Variants in PAM16 observed in about 807,000 individuals in gnomAD.
PAM16 encodes mitochondrial import inner membrane translocase subunit TIM16.
PAM16 carries 11 observed loss-of-function variants against 17.9 expected under a neutral mutation model. The ratio of observed to expected loss-of-function variants is 0.62; its 90% CI spans 0.39 to 1.02. The LOEUF (loss-of-function observed/expected upper bound fraction) is 1.02, where lower values mean the gene tolerates loss of function less well. Among genes scored for constraint, PAM16 ranks in the 50% least tolerant of loss-of-function variants. PAM16 has a pLI of 0.01. For missense variants in PAM16, 199 were observed against 165.4 expected (o/e 1.20, Z -1.11); for synonymous variants, 72 against 67.4 (o/e 1.07, Z -0.34).
rs762803076 is a variant in PAM16, at chr16:4,340,354, C to T, written c.343G>A (p.Glu115Lys). 4 of 1,613,048 alleles carry T rather than the reference C, an allele frequency of 2.5e-6. No homozygotes were observed. The highest frequency in any genetic ancestry group is 1.7e-4 in the Middle Eastern group (1 of 6,058). The change falls in exon 5 of 5, where the codon GAG becomes AAG. Residue 115 changes from glutamate to lysine, a missense_variant. Transcript: ENST00000318059. Reference sequence around the variant, plus strand: ...GGCATCTGCCCTTTTTCTCTGTCCTCCTGGGCCTGGATTTTGAGTTCCTCA... The same window carrying T: ...GGCATCTGCCCTTTTTCTCTGTCCTTCTGGGCCTGGATTTTGAGTTCCTCA... ...LDEELKIQAQ[E>K]DREKGQMPHT
rs759956812 is a variant in PAM16 at position 4,341,420 on chromosome 16, T to C, written c.173A>G (p.Glu58Gly). ...GGACACGTTGAGAATCTGCTGTGCC[T>C]CCTGGAGGCTGAGGCCGGAGAGGTT... ...ASNLSGLSLQ[E>G]AQQILNVSKL... The change falls in exon 3 of 5, where the codon GAG (glutamate) becomes GGG (glycine). Residue 58 changes from glutamate to glycine, a missense_variant. Glu to Gly is a moderately conservative substitution (Grantham distance 98). Coordinates refer to ENST00000318059, the MANE Select transcript of PAM16 (RefSeq NM_016069.11). 1 of 1,604,248 alleles carries C rather than the reference T, an allele frequency of 6.2e-7. No individual in the cohort carries two copies. The highest frequency in any genetic ancestry group is 8.5e-7 in the Non-Finnish European group (1 of 1,176,108).
At chr16:4,349,118 G>T (rs1399962431) in intron 1 of PAM16, among the ~76,000 whole-genome samples, 6 of 152,068 alleles carry the variant, frequency 3.9e-5, no homozygotes, top group Non-Finnish European at 8.8e-5. Flanking sequence ...ACCACACCCG[G>T]CTAATTTTTT....
intron 1 of PAM16, among the ~76,000 whole-genome samples, chr16:4,349,758 T>A (rs34047432): frequency 0.19 from 28,265 of 151,878 alleles, 3,648 homozygotes; most frequent in African/African-American, 0.36. Flanking sequence ...CAGACAGACA[T>A]CCTATCTCAA....
rs563823671 is a variant in PAM16 at position 4,347,633 on chromosome 16, G to C, written c.3+3599C>G. 1.2e-4 allele frequency: 18 copies of C among 152,474 alleles called. 1 individual carries two copies. The highest frequency in any genetic ancestry group is 3.1e-4 in the African/African-American group (13 of 41,568). 9.4% of individuals were successfully genotyped at this position (152,474 alleles called of 1,614,324 possible). On this transcript the variant is annotated intron_variant, in intron 1 of 4. Transcript: ENST00000318059. ...TCCCCTGAGCTTCTGCCATGGGTCA[G>C]GCTGAGTTCAGAGCTCATTCACAGG...
At chr16:4,350,508 G>A (rs2053834245) in intron 1 of PAM16, among the ~76,000 whole-genome samples, 1 of 151,766 alleles carries the variant, frequency 6.6e-6, no homozygotes, top group Non-Finnish European at 1.5e-5. Flanking sequence ...TCAAGCGTCT[G>A]TCCTGCCTCA....
intron 1 of PAM16, 152 bp from the exon 2 acceptor site, chr16:4,343,443 C>G (rs2053682870): frequency 6.3e-6 from 9 of 1,438,240 alleles, no homozygotes; most frequent in Non-Finnish European, 7.3e-6. Context: ...CCAAAGCACC[C>G]TGAATGAAAG....
intron 1 of PAM16, chr16:4,343,555 A>T: frequency 7.1e-7 from 1 of 1,415,070 alleles, no homozygotes; most frequent in Non-Finnish European, 9.2e-7. Context: ...TCCTTCAGGA[A>T]AGGCGTAGAG....
At chr16:4,350,682 G>A (rs1596257346) in intron 1 of PAM16, among the ~76,000 whole-genome samples, 3 of 152,182 alleles carry the variant, frequency 2.0e-5, no homozygotes, top group African/African-American at 7.2e-5. Context: ...TTACAGGCGT[G>A]AGCCACCGCG....
chr16:4,343,600 G>A (rs2053686397), intron 1 of PAM16: 4 of 1,378,248 alleles, frequency 2.9e-6, no homozygotes, highest in Admixed American at 6.8e-5. Flanking sequence ...ACCGGCTTCA[G>A]GAAGAAACAC....
chr16:4,343,494 G>A (rs2053684416), intron 1 of PAM16: 1 of 1,427,174 alleles, frequency 7.0e-7, no homozygotes, highest in Non-Finnish European at 9.1e-7. Context: ...GGACAGGCAG[G>A]CAGGCGGGTG....
At position 4,343,308 on chromosome 16, in the gene PAM16, C is replaced by G. The variant is rs760497967; in HGVS notation, c.4-17G>C. On this transcript the variant is annotated splice_polypyrimidine_tract_variant and intron_variant, in intron 1 of 4. Coordinates refer to ENST00000318059, the MANE Select transcript of PAM16 (RefSeq NM_016069.11). ...GTACTTGGCCTGTGGGCAAAGCAGGCACCCGGTTAGCAGGCCACTCCCTGT... is the reference window on the plus strand; with the variant it reads ...GTACTTGGCCTGTGGGCAAAGCAGGGACCCGGTTAGCAGGCCACTCCCTGT... 7 of 1,595,276 alleles carry G rather than the reference C, an allele frequency of 4.4e-6. No individual in the cohort carries two copies. The Admixed American group carries it at 7.0e-5, about 16-fold the overall frequency.
chr16:4,340,890 T>C (rs1325818626), intron 4 of PAM16, 30 bp downstream of exon 4: 1 of 1,612,586 alleles, frequency 6.2e-7, no homozygotes, highest in Non-Finnish European at 8.5e-7. Flanking sequence ...TCCCATGACT[T>C]CATTCCTCCC....
chr16:4,345,804 T>A, intron 1 of PAM16: 1 of 983,458 alleles, frequency 1.0e-6, no homozygotes, highest in Non-Finnish European at 1.2e-6. Context: ...GCCTCCTTCC[T>A]AAAGCCCCTC....
Position 4,341,498 on chromosome 16 carries a change from CGGCT to C in PAM16, c.91_94del (p.Ser31GlyfsTer37). 5 of 1,607,992 alleles carry C rather than the reference CGGCT, an allele frequency of 3.1e-6. No individual in the cohort carries two copies. The highest frequency in any genetic ancestry group is 3.4e-6 in the Non-Finnish European group (4 of 1,178,732). On this transcript the variant is annotated frameshift_variant and splice_region_variant, in exon 3 of 5. Coordinates refer to ENST00000318059, the MANE Select transcript of PAM16 (RefSeq NM_016069.11). LOFTEE classifies it high-confidence loss of function. ...GCGTCCTCGGGCATCAGCTGCGGCC[CGGCT>C]GGCTGTGTGGACATGTGGGTGATCG...
chr16:4,351,091 C>A (rs534468251), intron 1 of PAM16, 141 bp downstream of exon 1: 11 of 399,802 alleles, frequency 2.8e-5, no homozygotes, highest in South Asian at 2.3e-4. Context: ...CCCCCGGGTG[C>A]AACGCCCCCA....
chr16:4,342,565 A>C lies in PAM16; in HGVS notation c.88+642T>G, dbSNP rs1489065663. ...GCTACTCAGGAGGCTGAGGCAGAAG[A>C]ATTGCTTGAACCCGGGAGGCAGAGG... On this transcript the variant is annotated intron_variant, in intron 2 of 4. Coordinates refer to ENST00000318059, the MANE Select transcript of PAM16 (RefSeq NM_016069.11). 2.9e-3 allele frequency among the ~76,000 whole-genome samples: 372 copies of C among 130,282 alleles called. No individual in the cohort carries two copies. In the Middle Eastern group the frequency reaches 0.045, roughly 16 times the overall value. The allele number at this position is 130,282 out of a possible 152,430, so 85.5% of individuals were successfully genotyped here.
chr16:4,345,228 A>T (rs2053737835), intron 1 of PAM16: 1 of 152,084 alleles, frequency 6.6e-6, no homozygotes, highest in South Asian at 2.1e-4. Context: ...GCTTTTCTGT[A>T]GATTTGCCTT....
At chr16:4,347,511 G>A (rs1325091463) in intron 1 of PAM16, 2 of 152,276 alleles carry the variant, frequency 1.3e-5, no homozygotes, top group Non-Finnish European at 2.9e-5. Context: ...AGGCCCTCAG[G>A]AGGCAATGCC....
rs369978338 is a variant in PAM16, at chr16:4,342,069, G to A, written c.89-565C>T. Among the ~76,000 whole-genome samples the A allele has an allele frequency of 8.9e-4, 136 of 152,350 alleles. 3 individuals carry two copies. The South Asian group carries it at 0.024, about 27-fold the overall frequency. On this transcript the variant is annotated intron_variant, in intron 2 of 4. Coordinates refer to ENST00000318059, the MANE Select transcript of PAM16 (RefSeq NM_016069.11). ...AACTCTGCCTTGAAAGCAGCCTGTC[G>A]GCCGGGCACAGTGGCTCACGCCTGT...
Sources: gnomAD v4.1 joint callset for allele counts (sites outside exome capture counted in the v4.1 genomes callset) on GRCh38, gnomAD v4.1.1 for gene constraint, MANE v1.5 for transcripts, NCBI Gene and HGNC (gene_info 2026-07-23, HGNC 2026-07-21) for gene names.